Variants in WWOX observed in about 807,000 individuals in gnomAD.
WWOX encodes the protein WW domain containing oxidoreductase.
A neutral mutation model predicts 46.2 loss-of-function variants in WWOX; 69 were observed. That is an observed-to-expected ratio of 1.49 (90% CI 1.23 to 1.82). The LOEUF is 1.82. Among genes scored for constraint, WWOX ranks in the 40% most tolerant of loss-of-function variants. The pLI is 0.00. For synonymous variants in WWOX, 359 were observed against 202.6 expected (o/e 1.77, Z -6.56); for missense variants, 919 against 542.6 (o/e 1.69, Z -6.89).
intron 5 of WWOX, chr16:78,179,826 TC>T (rs1307498767): frequency 1.3e-5 from 2 of 152,234 alleles, no homozygotes; most frequent in African/African-American, 4.8e-5. Context: ...CTTGTCTTGT[TC>T]CTCTTGGTAT....
At chr16:78,603,239 T>C (rs983839099) in intron 8 of WWOX, among the ~76,000 whole-genome samples, 1 of 152,180 alleles carries the variant, frequency 6.6e-6, no homozygotes, top group Non-Finnish European at 1.5e-5. Context: ...AGATAAGGCA[T>C]TGGATGCTCA....
chr16:78,293,902 G>C (rs1365343374), intron 5 of WWOX, among the ~76,000 whole-genome samples: 1 of 143,526 alleles, frequency 7.0e-6, no homozygotes, highest in Non-Finnish European at 1.5e-5. Context: ...CTTGAACCCT[G>C]GTAGGCAGAG....
intron 8 of WWOX, among the ~76,000 whole-genome samples, chr16:78,680,899 C>T (rs1190405100): frequency 6.6e-6 from 1 of 151,968 alleles, no homozygotes; most frequent in African/African-American, 2.4e-5. Flanking sequence ...AAGTTTGAGC[C>T]TAGGAGTTTG....
chr16:78,395,469 G>A (rs1001972173), intron 6 of WWOX, among the ~76,000 whole-genome samples: 1 of 152,248 alleles, frequency 6.6e-6, no homozygotes, highest in East Asian at 1.9e-4. Flanking sequence ...CCATGATCAT[G>A]CTACTGCACT....
At chr16:79,030,570 G>C (rs963037625) in intron 8 of WWOX, among the ~76,000 whole-genome samples, 1 of 152,190 alleles carries the variant, frequency 6.6e-6, no homozygotes, top group African/African-American at 2.4e-5. Context: ...TCATATGAGG[G>C]CTGTCTTGGT....
intron 8 of WWOX, among the ~76,000 whole-genome samples, chr16:78,501,190 TC>T (rs1567608999): frequency 6.9e-4 from 68 of 98,998 alleles, no homozygotes; most frequent in African/African-American, 2.7e-3. Flanking sequence ...TCTCTTTCTT[TC>T]TCTTTTTTTT....
In WWOX at chr16:78,675,003, C is replaced by T. The variant is rs112643012; in HGVS notation, c.1056+242251C>T. Among the ~76,000 whole-genome samples the T allele has an allele frequency of 4.6e-5, 7 of 152,180 alleles. 1 individual carries two copies. Among genetic ancestry groups the T allele is most frequent in the African/African-American group, 1.7e-4 (7 of 41,520 alleles). ...AACCATGCTTACCTTGAAGAGTTAT[C>T]TTAAATATTTGTGTTAATATTATAT... On this transcript the variant is annotated intron_variant, in intron 8 of 8. Transcript: ENST00000566780.
intron 8 of WWOX, among the ~76,000 whole-genome samples, chr16:78,950,519 C>G (rs1263186860): frequency 1.0e-5 from 1 of 100,420 alleles, no homozygotes; most frequent in African/African-American, 3.7e-5. Context: ...ATTAAAGGAA[C>G]ACACACACAC....
intron 8 of WWOX, among the ~76,000 whole-genome samples, chr16:79,080,989 A>AAC (rs2048750197): frequency 6.6e-6 from 1 of 152,068 alleles, no homozygotes; most frequent in Non-Finnish European, 1.5e-5. Flanking sequence ...TATACCTCCA[A>AAC]ACACACACAC....
chr16:79,140,153 T>C (rs2050062123), intron 8 of WWOX, among the ~76,000 whole-genome samples: 1 of 152,212 alleles, frequency 6.6e-6, no homozygotes, highest in Non-Finnish European at 1.5e-5. Context: ...TTTTTCTTTC[T>C]GGTAAAGGAC....
intron 5 of WWOX, among the ~76,000 whole-genome samples, chr16:78,221,657 G>A (rs1486815290): frequency 6.6e-6 from 1 of 152,122 alleles, no homozygotes; most frequent in African/African-American, 2.4e-5. Flanking sequence ...TGGAACCGAG[G>A]TTGCTAATTA....
intron 8 of WWOX, among the ~76,000 whole-genome samples, chr16:79,183,796 C>G (rs779097174): frequency 2.0e-5 from 3 of 152,188 alleles, no homozygotes; most frequent in South Asian, 4.1e-4. Context: ...GGTCCCAGAG[C>G]TGGAATTTGA....
chr16:78,185,171 C>T (rs548988808), intron 5 of WWOX, among the ~76,000 whole-genome samples: 23 of 152,282 alleles, frequency 1.5e-4, no homozygotes, highest in Middle Eastern at 6.8e-3. Flanking sequence ...TACAAACCCA[C>T]CATATGTGCA....
intron 8 of WWOX, among the ~76,000 whole-genome samples, chr16:78,645,721 C>T (rs1420516718): frequency 1.3e-5 from 2 of 152,158 alleles, no homozygotes; most frequent in South Asian, 2.1e-4. Context: ...ACCTAGACTC[C>T]TGTCATCAGC....
At position 78,250,344 on chromosome 16, in the gene WWOX, T is replaced by G. The variant is rs768319899; in HGVS notation, c.516+86055T>G. Among the ~76,000 whole-genome samples, 21 of 152,234 alleles carry G rather than the reference T, an allele frequency of 1.4e-4. 1 individual carries two copies. Among genetic ancestry groups the G allele is most frequent in the Admixed American group, 1.3e-3 (20 of 15,282 alleles). On this transcript the variant is annotated intron_variant, in intron 5 of 8. Coordinates refer to ENST00000566780, the MANE Select transcript of WWOX (RefSeq NM_016373.4). ...CTGCTCCTTTCTAGCTGTGTAACTT[T>G]AGGCAAATAATGTAACCTCCATCTG...
Position 78,161,111 on chromosome 16 carries a change from G to C in WWOX, c.410-3072G>C, listed in dbSNP as rs114553375. ...AGCTATATCAGATTTCTTTTGGCCC[G>C]TGTTATACAGTATACCTTTTCTATT... is the stretch of plus-strand genomic sequence containing the variant. On this transcript the variant is annotated intron_variant, in intron 4 of 8. Transcript: ENST00000566780. Among the ~76,000 whole-genome samples the C allele has an allele frequency of 2.7e-5, 4 of 150,822 alleles. No homozygotes were observed. The South Asian group carries it at 6.4e-4, about 24-fold the overall frequency.
intron 8 of WWOX, among the ~76,000 whole-genome samples, chr16:78,952,027 T>C (rs1217088594): frequency 6.6e-6 from 1 of 152,148 alleles, no homozygotes; most frequent in Admixed American, 6.5e-5. Flanking sequence ...CAGCAATGAT[T>C]TTATACTGTC....
chr16:78,925,275 T>C (rs138614416), intron 8 of WWOX, among the ~76,000 whole-genome samples: 1 of 152,302 alleles, frequency 6.6e-6, no homozygotes, highest in Non-Finnish European at 1.5e-5. Flanking sequence ...TTGCTGCCAC[T>C]GGGTGGCAGC....
intron 8 of WWOX, among the ~76,000 whole-genome samples, chr16:78,716,636 T>G (rs534165795): frequency 2.0e-5 from 3 of 152,180 alleles, no homozygotes; most frequent in African/African-American, 7.2e-5. Context: ...GGTTCTGTGA[T>G]AACGCTCCTC....
Sources: gnomAD v4.1 joint callset for allele counts (sites outside exome capture counted in the v4.1 genomes callset) on GRCh38, gnomAD v4.1.1 for gene constraint, MANE v1.5 for transcripts, NCBI Gene and HGNC (gene_info 2026-07-23, HGNC 2026-07-21) for gene names.